The following CACNB2 variants were observed in gnomAD, a reference collection of about 807,000 sequenced individuals.
The protein encoded by CACNB2 is voltage-dependent L-type calcium channel subunit beta-2.
A neutral mutation model predicts 73.3 loss-of-function variants in CACNB2; 42 were observed. The observed-to-expected ratio is 0.57, with a 90% CI of 0.45 to 0.74. The LOEUF is 0.74. Among genes scored for constraint, CACNB2 ranks in the 30% least tolerant of loss-of-function variants. CACNB2 has a pLI of 0.00. For synonymous variants in CACNB2, 348 were observed against 310.3 expected, an observed-to-expected ratio of 1.12 and a Z score of -1.28; for missense variants, 940 against 853.0, an observed-to-expected ratio of 1.10 and a Z score of -1.27.
At chr10:18,243,765 T>A (rs1244658293) in intron 2 of CACNB2, among the ~76,000 whole-genome samples, 1 of 152,188 alleles carries the variant, frequency 6.6e-6, no homozygotes, top group Non-Finnish European at 1.5e-5. Context: ...TTCCGGCTGC[T>A]GAGTGGAAGC....
At chr10:18,532,687 A>AC (rs1462764343) in intron 10 of CACNB2, among the ~76,000 whole-genome samples, 4 of 58,834 alleles carry the variant, frequency 6.8e-5, no homozygotes, top group South Asian at 1.1e-3. Flanking sequence ...AAAAAAAAAA[A>AC]AAAAAAAAAC....
intron 3 of CACNB2, among the ~76,000 whole-genome samples, chr10:18,430,054 AT>A (rs1277440853): frequency 2.0e-5 from 3 of 152,044 alleles, no homozygotes; most frequent in Non-Finnish European, 4.4e-5. Flanking sequence ...TTTACCCCAC[AT>A]TATTTTATCT....
Position 18,538,197 on chromosome 10 carries a change from C to T in CACNB2, c.1320C>T (p.Ile440=). 1 of 1,614,082 alleles carries T rather than the reference C, an allele frequency of 6.2e-7. No individual in the cohort carries two copies. Among genetic ancestry groups the T allele is most frequent in the Non-Finnish European group, 8.5e-7 (1 of 1,180,008 alleles). ...AQCPPELFDV[I]LDENQLEDAC... ...CTCTGCAGGAGCTGTTCGATGTGAT[C>T]TTGGATGAGAACCAGCTTGAGGATG... Residue 440 remains isoleucine (I), a synonymous_variant, in exon 13 of 14, where the codon ATC becomes ATT. Coordinates refer to ENST00000324631, the MANE Select transcript of CACNB2 (RefSeq NM_201596.3).
chr10:18,198,735 G>A (rs1056085081), intron 2 of CACNB2, among the ~76,000 whole-genome samples: 2 of 152,016 alleles, frequency 1.3e-5, no homozygotes, highest in Non-Finnish European at 2.9e-5. Context: ...TTACTTCCAC[G>A]CTTTCATTTC....
At chr10:18,179,153 A>G (rs1456972481) in intron 2 of CACNB2, among the ~76,000 whole-genome samples, 1 of 152,218 alleles carries the variant, frequency 6.6e-6, no homozygotes, top group African/African-American at 2.4e-5. Flanking sequence ...AAATGTCAAT[A>G]ACTTTAATTT....
At chr10:18,435,355 T>A (rs1267070748) in intron 3 of CACNB2, among the ~76,000 whole-genome samples, 1 of 152,196 alleles carries the variant, frequency 6.6e-6, no homozygotes, top group East Asian at 1.9e-4. Flanking sequence ...ATAGGTGGCA[T>A]CTACATGAAC....
chr10:18,319,140 A>C (rs564391785), intron 2 of CACNB2, among the ~76,000 whole-genome samples: 6 of 152,310 alleles, frequency 3.9e-5, no homozygotes, highest in African/African-American at 1.2e-4. Flanking sequence ...GTAAAGACAC[A>C]TGCACACGTA....
Position 18,220,226 on chromosome 10 carries a change from T to TAGAGAG in CACNB2, c.213+69252_213+69253insGAGAGA, listed in dbSNP as rs1275395034. On this transcript the variant is annotated intron_variant, in intron 2 of 13. Transcript: ENST00000324631. ...GTATATATATATATATATATATATA[T>TAGAGAG]ATATATAGAGAGAGAGAGAGAGAGA... 9.6e-4 allele frequency among the ~76,000 whole-genome samples: 44 copies of TAGAGAG among 45,648 alleles called. 1 individual carries two copies. Among genetic ancestry groups the TAGAGAG allele is most frequent in the Middle Eastern group, 8.8e-3 (1 of 114 alleles). The allele number at this position is 45,648 out of a possible 152,430, so 29.9% of individuals were successfully genotyped here. A position where few individuals can be genotyped will look rare whatever the true frequency, so the allele number is the denominator to read the frequency against.
chr10:18,447,054 T>C (rs2046769545), intron 3 of CACNB2, among the ~76,000 whole-genome samples: 1 of 150,844 alleles, frequency 6.6e-6, no homozygotes, highest in African/African-American at 2.4e-5. Flanking sequence ...AGCAAGGCTC[T>C]GTCTCAAAAA....
At chr10:18,489,929 G>C (rs1158636841) in intron 3 of CACNB2, among the ~76,000 whole-genome samples, 2 of 152,118 alleles carry the variant, frequency 1.3e-5, no homozygotes, top group Non-Finnish European at 2.9e-5. Context: ...CCAGGCTGGA[G>C]TGCAGTGGCG....
intron 3 of CACNB2, among the ~76,000 whole-genome samples, chr10:18,491,881 G>T (rs1000409835): frequency 3.3e-5 from 3 of 92,032 alleles, no homozygotes; most frequent in African/African-American, 1.2e-4. Flanking sequence ...AAGAAAATCA[G>T]AATGAAAGAG....
At chr10:18,320,214 C>T (rs2040348927) in intron 2 of CACNB2, among the ~76,000 whole-genome samples, 1 of 152,192 alleles carries the variant, frequency 6.6e-6, no homozygotes, top group Admixed American at 6.5e-5. Context: ...ATACCCAATC[C>T]TCATGTACTC....
At chr10:18,397,966 G>A (rs1287003239) in intron 2 of CACNB2, among the ~76,000 whole-genome samples, 1 of 152,144 alleles carries the variant, frequency 6.6e-6, no homozygotes, top group Admixed American at 6.5e-5. Flanking sequence ...GCTGAAATGT[G>A]ATGCACTGAC....
At chr10:18,474,343 C>T (rs1374428117) in intron 3 of CACNB2, among the ~76,000 whole-genome samples, 2 of 152,150 alleles carry the variant, frequency 1.3e-5, no homozygotes, top group Non-Finnish European at 2.9e-5. Flanking sequence ...CAAGCAAGAC[C>T]TGTCTCTGTG....
intron 6 of CACNB2, 49 bp from the exon 7 acceptor site, chr10:18,514,187 C>A (rs1372562503): frequency 1.9e-6 from 3 of 1,595,808 alleles, no homozygotes; most frequent in African/African-American, 2.7e-5. Context: ...TTCTTTATAA[C>A]CTATTTTTCC....
At chr10:18,408,231 C>CTTTTTTTTTTTTTTTTTTT (rs71402161) in intron 3 of CACNB2, among the ~76,000 whole-genome samples, 1 of 77,952 alleles carries the variant, frequency 1.3e-5, no homozygotes, top group Non-Finnish European at 2.3e-5. Flanking sequence ...CTATCCCTGA[C>CTTTTTTTTTTTTTTTTTTT]TTTTTTTTTT....
intron 2 of CACNB2, among the ~76,000 whole-genome samples, chr10:18,375,731 A>G (rs1440178106): frequency 6.6e-6 from 1 of 152,198 alleles, no homozygotes; most frequent in Non-Finnish European, 1.5e-5. Flanking sequence ...AAATGCCTGA[A>G]CAAATGGTAT....
At chr10:18,484,076 TTTG>T (rs2048931513) in intron 3 of CACNB2, among the ~76,000 whole-genome samples, 1 of 152,162 alleles carries the variant, frequency 6.6e-6, no homozygotes, top group South Asian at 2.1e-4. Flanking sequence ...TGCTTTTCAT[TTTG>T]TTTTTGAAAT....
chr10:18,503,228 A>T (rs756976340), intron 5 of CACNB2, among the ~76,000 whole-genome samples: 6 of 152,216 alleles, frequency 3.9e-5, no homozygotes, highest in Admixed American at 1.3e-4. Flanking sequence ...GATTCTTTCA[A>T]TCCTTAATGT....
Sources: allele counts gnomAD v4.1 joint callset (sites outside exome capture counted in the v4.1 genomes callset), GRCh38; gene constraint gnomAD v4.1.1; transcripts MANE v1.5; gene names NCBI Gene and HGNC (gene_info 2026-07-23, HGNC 2026-07-21).